The following CSMD1 variants were observed in gnomAD, a reference collection of about 807,000 sequenced individuals.
CSMD1 encodes CUB and sushi domain-containing protein 1.
CSMD1 carries 213 observed loss-of-function variants against 417.5 expected under a neutral mutation model. That is an observed-to-expected ratio of 0.51 (90% CI 0.46 to 0.57). CSMD1 has a LOEUF of 0.57. Ranked by LOEUF, CSMD1 falls within the 20% of genes least tolerant of loss-of-function variation. CSMD1 has a pLI of 0.00. For synonymous variants in CSMD1, 2,862 were observed against 1,736.8 expected, an observed-to-expected ratio of 1.65 and a Z score of -16.11; for missense variants, 6,923 against 4,529.7, an observed-to-expected ratio of 1.53 and a Z score of -15.17.
intron 4 of CSMD1, among the ~76,000 whole-genome samples, chr8:4,023,845 C>CTT (rs1390701743): frequency 7.0e-6 from 1 of 141,946 alleles, no homozygotes; most frequent in Non-Finnish European, 1.5e-5. Flanking sequence ...CCTCGATCTC[C>CTT]TGACCTCGGG....
chr8:3,480,505 G>C (rs761227044), intron 11 of CSMD1, among the ~76,000 whole-genome samples: 8 of 152,096 alleles, frequency 5.3e-5, no homozygotes, highest in Non-Finnish European at 1.2e-4. Flanking sequence ...GCTAGATGAT[G>C]GTGTTGAAAT....
At chr8:3,761,741 G>C (rs983341893) in intron 5 of CSMD1, among the ~76,000 whole-genome samples, 1 of 151,980 alleles carries the variant, frequency 6.6e-6, no homozygotes, top group Non-Finnish European at 1.5e-5. Flanking sequence ...TCTGATCTCA[G>C]GTGATCCATC....
intron 52 of CSMD1, among the ~76,000 whole-genome samples, chr8:3,011,264 T>C (rs1330847695): frequency 6.6e-6 from 1 of 152,286 alleles, no homozygotes; most frequent in East Asian, 1.9e-4. Context: ...AGAACTGGTA[T>C]AGGGAGTTTT....
intron 3 of CSMD1, among the ~76,000 whole-genome samples, chr8:4,263,007 T>C (rs1227379162): frequency 2.0e-5 from 3 of 152,186 alleles, no homozygotes; most frequent in Non-Finnish European, 2.9e-5. Context: ...AGTCACTAAT[T>C]CTGTCTTGGC....
chr8:3,385,091 AAAAT>A (rs200435217), intron 18 of CSMD1, among the ~76,000 whole-genome samples: 9,013 of 107,074 alleles, frequency 0.084, 728 homozygotes, highest in East Asian at 0.31. Flanking sequence ...ATTTATATAT[AAAAT>A]ATATATATAA....
At chr8:3,679,192 C>G (rs1221598507) in intron 7 of CSMD1, among the ~76,000 whole-genome samples, 4 of 152,014 alleles carry the variant, frequency 2.6e-5, no homozygotes, top group African/African-American at 7.2e-5. Flanking sequence ...CAATATTAAC[C>G]TTAAATGCAA....
At chr8:3,076,753 T>A (rs971558476) in intron 49 of CSMD1, among the ~76,000 whole-genome samples, 4 of 152,212 alleles carry the variant, frequency 2.6e-5, no homozygotes, top group Non-Finnish European at 5.9e-5. Flanking sequence ...AAATTCATAT[T>A]GATGACAACT....
Position 4,251,246 on chromosome 8 carries a change from C to A in CSMD1, c.415+168707G>T, listed in dbSNP as rs562087095. On this transcript the variant is annotated intron_variant, in intron 3 of 69. Coordinates refer to ENST00000635120, the MANE Select transcript of CSMD1 (RefSeq NM_033225.6). ...AGCTAACAATATATGTTTCCCTCAC[C>A]AATCACATGGGTATATGGAAGGCTT... Among the ~76,000 whole-genome samples, 18 of 152,046 alleles carry A rather than the reference C, an allele frequency of 1.2e-4. 1 individual carries two copies. The South Asian group carries it at 3.6e-3, about 30-fold the overall frequency.
chr8:4,431,520 A>C (rs1429555935), intron 2 of CSMD1, among the ~76,000 whole-genome samples: 1 of 151,080 alleles, frequency 6.6e-6, no homozygotes, highest in African/African-American at 2.4e-5. Context: ...ACTCAGTTAC[A>C]CTTTATAACA....
chr8:4,211,637 C>T (rs951557152), intron 3 of CSMD1, among the ~76,000 whole-genome samples: 3 of 152,156 alleles, frequency 2.0e-5, no homozygotes, highest in African/African-American at 7.2e-5. Flanking sequence ...AATATCCCAT[C>T]GTACTAAAAT....
At chr8:3,680,402 T>C (rs959375741) in intron 7 of CSMD1, among the ~76,000 whole-genome samples, 2 of 152,054 alleles carry the variant, frequency 1.3e-5, no homozygotes, top group South Asian at 2.1e-4. Flanking sequence ...GAGAATACTA[T>C]TAACACCTCT....
At chr8:4,469,309 T>G (rs1447860813) in intron 2 of CSMD1, among the ~76,000 whole-genome samples, 1 of 152,206 alleles carries the variant, frequency 6.6e-6, no homozygotes, top group African/African-American at 2.4e-5. Context: ...TTTCTCATTC[T>G]AACAATTATT....
chr8:4,931,218 C>A (rs1343691067), intron 1 of CSMD1, among the ~76,000 whole-genome samples: 2 of 152,112 alleles, frequency 1.3e-5, no homozygotes, highest in South Asian at 2.1e-4. Flanking sequence ...ACTCACTCCC[C>A]TTTTTTTAGA....
intron 3 of CSMD1, among the ~76,000 whole-genome samples, chr8:4,405,716 T>A (rs974264453): frequency 6.6e-6 from 1 of 152,222 alleles, no homozygotes; most frequent in Non-Finnish European, 1.5e-5. Flanking sequence ...TTGCTTCTTA[T>A]GAAACCATCT....
intron 3 of CSMD1, among the ~76,000 whole-genome samples, chr8:4,200,032 T>C (rs1799558875): frequency 1.3e-5 from 2 of 152,186 alleles, no homozygotes; most frequent in Non-Finnish European, 2.9e-5. Context: ...TATGTTGAGG[T>C]GCCATAAAAT....
chr8:4,765,479 T>A (rs1053300143), intron 1 of CSMD1, among the ~76,000 whole-genome samples: 1 of 152,230 alleles, frequency 6.6e-6, no homozygotes, highest in African/African-American at 2.4e-5. Flanking sequence ...CAAAAAGTGT[T>A]TGCAGATGCC....
chr8:4,037,734 T>C (rs1015418066), intron 3 of CSMD1, among the ~76,000 whole-genome samples: 1 of 152,190 alleles, frequency 6.6e-6, no homozygotes, highest in Admixed American at 6.5e-5. Context: ...CTGTTCTTTA[T>C]GACTCTATCA....
intron 2 of CSMD1, among the ~76,000 whole-genome samples, chr8:4,554,254 A>G (rs1797996015): frequency 6.6e-6 from 1 of 152,092 alleles, no homozygotes. Context: ...CTCCTGACTC[A>G]GCCTCCTGAG....
chr8:4,037,454 A>C (rs1368774356), intron 3 of CSMD1, among the ~76,000 whole-genome samples: 1 of 152,164 alleles, frequency 6.6e-6, no homozygotes. Flanking sequence ...AGACCATTTC[A>C]ATGGTTTGCT....
Sources: allele counts gnomAD v4.1 joint callset (sites outside exome capture counted in the v4.1 genomes callset), GRCh38; gene constraint gnomAD v4.1.1; transcripts MANE v1.5; gene names NCBI Gene and HGNC (gene_info 2026-07-23, HGNC 2026-07-21).